Variants in GPATCH2 observed in about 807,000 individuals in gnomAD.
GPATCH2 encodes G patch domain-containing protein 2.
Under a neutral mutation model 58.0 loss-of-function variants are expected in GPATCH2, and 51 were observed. That is an observed-to-expected ratio of 0.88 (90% CI 0.70 to 1.11). The LOEUF (loss-of-function observed/expected upper bound fraction) is 1.11. Ranked by LOEUF, GPATCH2 falls within the 50% of genes most tolerant of loss-of-function variation. The pLI is 0.00. For missense variants in GPATCH2, 625 were observed against 652.2 expected (o/e 0.96, Z 0.45); for synonymous variants, 222 against 218.5 (o/e 1.02, Z -0.14).
intron 6 of GPATCH2, chr1:217,498,664 C>A (rs981175837): frequency 1.8e-6 from 1 of 546,964 alleles, no homozygotes; most frequent in Non-Finnish European, 3.2e-6. Context: ...ACTGCTGGGA[C>A]TGTATTCATT....
chr1:217,613,455 G>C (rs961469923), intron 3 of GPATCH2, among the ~76,000 whole-genome samples: 2 of 152,018 alleles, frequency 1.3e-5, no homozygotes, highest in African/African-American at 4.8e-5. Flanking sequence ...ATTTGTGATA[G>C]GTATCTGTAT....
intron 8 of GPATCH2, among the ~76,000 whole-genome samples, chr1:217,463,455 G>A (rs1447744580): frequency 6.6e-6 from 1 of 151,910 alleles, no homozygotes; most frequent in Non-Finnish European, 1.5e-5. Context: ...GCTAGACCAG[G>A]AAGGCCTTGC....
Position 217,524,625 on chromosome 1 carries a change from G to A in GPATCH2, c.1099-9736C>T, listed in dbSNP as rs372765534. Among the ~76,000 whole-genome samples, 566 of 151,744 alleles carry A rather than the reference G, an allele frequency of 3.7e-3. 5 individuals are homozygous for A. The highest frequency in any genetic ancestry group is 0.013 in the African/African-American group (521 of 41,456). On this transcript the variant is annotated intron_variant, in intron 5 of 9. Coordinates refer to ENST00000366935, the MANE Select transcript of GPATCH2 (RefSeq NM_018040.5). ...TGCAATCCCGGCACCTCGGGAGGCC[G>A]AGGCTGGCGGATCACTCGCGGTTAG... is the stretch of plus-strand genomic sequence containing the variant.
intron 1 of GPATCH2, among the ~76,000 whole-genome samples, chr1:217,629,057 G>A (rs992186116): frequency 6.6e-6 from 1 of 152,056 alleles, no homozygotes; most frequent in Admixed American, 6.5e-5. Flanking sequence ...ATTTACATGA[G>A]ATGACACATA....
chr1:217,545,716 C>T (rs1571895067), intron 5 of GPATCH2, among the ~76,000 whole-genome samples: 1 of 152,020 alleles, frequency 6.6e-6, no homozygotes, highest in South Asian at 2.1e-4. Flanking sequence ...GCCAGGGAAT[C>T]GTGAGGTCAA....
At chr1:217,623,323 G>T (rs1334071233) in intron 1 of GPATCH2, among the ~76,000 whole-genome samples, 1 of 152,018 alleles carries the variant, frequency 6.6e-6, no homozygotes, top group Non-Finnish European at 1.5e-5. Flanking sequence ...GTGCTTTACT[G>T]CAGCACAGAA....
At chr1:217,583,550 A>G (rs556525273) in intron 5 of GPATCH2, among the ~76,000 whole-genome samples, 18 of 146,142 alleles carry the variant, frequency 1.2e-4, no homozygotes, top group Non-Finnish European at 2.7e-4. Flanking sequence ...CAGACTGGGC[A>G]TCAGAGCAAG....
At chr1:217,525,812 T>C (rs1040253869) in intron 5 of GPATCH2, among the ~76,000 whole-genome samples, 2 of 152,264 alleles carry the variant, frequency 1.3e-5, no homozygotes, top group South Asian at 4.1e-4. Flanking sequence ...ATTATTAATA[T>C]AGCTTTTTGA....
chr1:217,622,640 T>C (rs923395163), intron 1 of GPATCH2, among the ~76,000 whole-genome samples: 1 of 152,142 alleles, frequency 6.6e-6, no homozygotes. Flanking sequence ...GCCTCCCGGG[T>C]TCAAGTGATT....
At chr1:217,506,739 T>A (rs1001316214) in intron 6 of GPATCH2, among the ~76,000 whole-genome samples, 4 of 152,208 alleles carry the variant, frequency 2.6e-5, no homozygotes, top group African/African-American at 9.6e-5. Flanking sequence ...TCTGGTCTCA[T>A]CACATACCAC....
chr1:217,508,445 G>A (rs1662667978), intron 6 of GPATCH2, among the ~76,000 whole-genome samples: 1 of 151,972 alleles, frequency 6.6e-6, no homozygotes. Context: ...AATTCCTCAG[G>A]TAAATATCCT....
At chr1:217,558,686 C>T (rs1665765632) in intron 5 of GPATCH2, among the ~76,000 whole-genome samples, 1 of 152,104 alleles carries the variant, frequency 6.6e-6, no homozygotes, top group Non-Finnish European at 1.5e-5. Flanking sequence ...TGGTGGCTCG[C>T]ACCTGTAATC....
chr1:217,524,847 CGGGGAGA>C (rs1558457936), intron 5 of GPATCH2, among the ~76,000 whole-genome samples: 14 of 18,834 alleles, frequency 7.4e-4, no homozygotes, highest in African/African-American at 1.5e-3. Context: ...AGAGGGAGAC[CGGGGAGA>C]GGGGAGAGGG....
intron 8 of GPATCH2, among the ~76,000 whole-genome samples, chr1:217,458,621 G>C (rs935238872): frequency 6.6e-6 from 1 of 151,822 alleles, no homozygotes; most frequent in Non-Finnish European, 1.5e-5. Flanking sequence ...GGTACTCATC[G>C]AGACCATATA....
chr1:217,500,750 G>T (rs980825786), intron 6 of GPATCH2, among the ~76,000 whole-genome samples: 1 of 151,300 alleles, frequency 6.6e-6, no homozygotes, highest in Non-Finnish European at 1.5e-5. Flanking sequence ...ATTAGTTTTT[G>T]TTTTTTTTCT....
intron 8 of GPATCH2, among the ~76,000 whole-genome samples, chr1:217,488,104 A>G (rs1257211666): frequency 6.6e-6 from 1 of 152,230 alleles, no homozygotes; most frequent in Non-Finnish European, 1.5e-5. Flanking sequence ...CATTCCAGTA[A>G]AGGAATATAT....
intron 5 of GPATCH2, among the ~76,000 whole-genome samples, chr1:217,528,431 A>G (rs1664026533): frequency 6.6e-6 from 1 of 152,226 alleles, no homozygotes; most frequent in Non-Finnish European, 1.5e-5. Flanking sequence ...TACACACAGC[A>G]GGATGAGGCA....
At position 217,546,789 on chromosome 1, in the gene GPATCH2, A is replaced by G. The variant is rs138977516; in HGVS notation, c.1099-31900T>C. On this transcript the variant is annotated intron_variant, in intron 5 of 9. Coordinates refer to ENST00000366935, the MANE Select transcript of GPATCH2 (RefSeq NM_018040.5). Reference sequence around the variant, plus strand: ...GAGCTTCTGTACAGACAAAGAAACTATCAACAGAGTAGACAACCTACAGAA... The same window carrying G: ...GAGCTTCTGTACAGACAAAGAAACTGTCAACAGAGTAGACAACCTACAGAA... 4.3e-4 allele frequency among the ~76,000 whole-genome samples: 66 copies of G among 152,326 alleles called. No individual in the cohort carries two copies. In the East Asian group the frequency reaches 0.011, roughly 25 times the overall value.
Position 217,429,469 on chromosome 1 carries a change from T to G in GPATCH2, c.*1676A>C, listed in dbSNP as rs13375612. On this transcript the variant is annotated 3_prime_UTR_variant, in exon 10 of 10. Coordinates refer to ENST00000366935, the MANE Select transcript of GPATCH2 (RefSeq NM_018040.5). ...ACTTCCCCTCCCTAGTTGGCAGGATTTTTTTTAGGGGACCACCTGAGAAAG... is the reference window on the plus strand; with the variant it reads ...ACTTCCCCTCCCTAGTTGGCAGGATGTTTTTTAGGGGACCACCTGAGAAAG... The G allele has an allele frequency of 0.28, 43,133 of 151,792 alleles. 6,342 individuals are homozygous for G. Among genetic ancestry groups the G allele is most frequent in the Middle Eastern group, 0.39 (114 of 292 alleles). 9.4% of individuals were successfully genotyped at this position (151,792 alleles called of 1,614,324 possible). A position where few individuals can be genotyped will look rare whatever the true frequency, so the allele number is the denominator to read the frequency against.
Sources: allele counts gnomAD v4.1 joint callset (sites outside exome capture counted in the v4.1 genomes callset), GRCh38; gene constraint gnomAD v4.1.1; transcripts MANE v1.5; gene names NCBI Gene and HGNC (gene_info 2026-07-23, HGNC 2026-07-21).